The following TMEM132D variants were observed in gnomAD, a reference collection of about 807,000 sequenced individuals.
The protein encoded by TMEM132D is transmembrane protein 132D.
TMEM132D carries 21 observed loss-of-function variants against 62.3 expected under a neutral mutation model. The ratio of observed to expected loss-of-function variants is 0.34; its 90% CI spans 0.24 to 0.49. The LOEUF is 0.49. TMEM132D is among the 20% of genes least tolerant of loss of function. TMEM132D has a pLI of 0.99. For synonymous variants in TMEM132D, 621 were observed against 575.6 expected (o/e 1.08, Z -1.13); for missense variants, 1,346 against 1,402.8 (o/e 0.96, Z 0.65).
At chr12:129,312,043 G>C (rs563487199) in intron 4 of TMEM132D, among the ~76,000 whole-genome samples, 1 of 152,360 alleles carries the variant, frequency 6.6e-6, no homozygotes, top group South Asian at 2.1e-4. Context: ...GATCACCCTA[G>C]CTGCTATAGA....
chr12:129,802,015 C>A (rs1871806291), intron 1 of TMEM132D, among the ~76,000 whole-genome samples: 1 of 149,018 alleles, frequency 6.7e-6, no homozygotes. Context: ...ATGAGCAAAG[C>A]CTCCAAGAAA....
rs73151095 is a variant in TMEM132D at position 129,476,707 on chromosome 12, G to A, written c.1115+54352C>T. ...TCTGGGAGAGAGATGTATTTGTGGT[G>A]GGGGCTGGAGTGCATTGTAGGATGC... On this transcript the variant is annotated intron_variant, in intron 3 of 8. Coordinates refer to ENST00000422113, the MANE Select transcript of TMEM132D (RefSeq NM_133448.3). 6.4e-3 allele frequency among the ~76,000 whole-genome samples: 972 copies of A among 152,272 alleles called. 6 individuals carry two copies. The highest frequency in any genetic ancestry group is 0.013 in the South Asian group (61 of 4,816).
intron 4 of TMEM132D, among the ~76,000 whole-genome samples, chr12:129,233,758 C>G (rs892380642): frequency 5.9e-5 from 9 of 152,140 alleles, no homozygotes; most frequent in Non-Finnish European, 1.3e-4. Flanking sequence ...TCCTGAGTAG[C>G]TGGGACTACA....
At chr12:129,291,400 T>C (rs890422784) in intron 4 of TMEM132D, among the ~76,000 whole-genome samples, 3 of 152,226 alleles carry the variant, frequency 2.0e-5, no homozygotes, top group African/African-American at 7.2e-5. Flanking sequence ...TCTTTCCATT[T>C]GGATCCTCTT....
At chr12:129,789,095 G>C (rs933741273) in intron 1 of TMEM132D, among the ~76,000 whole-genome samples, 1 of 152,166 alleles carries the variant, frequency 6.6e-6, no homozygotes, top group Non-Finnish European at 1.5e-5. Context: ...TTTTCAGGGT[G>C]AACAGGTGGT....
At chr12:129,387,300 C>T (rs927528975) in intron 3 of TMEM132D, among the ~76,000 whole-genome samples, 1 of 127,438 alleles carries the variant, frequency 7.8e-6, no homozygotes, top group African/African-American at 3.5e-5. Context: ...AATGCCAACA[C>T]CAATACCAAC....
intron 2 of TMEM132D, among the ~76,000 whole-genome samples, chr12:129,628,719 G>A (rs982097841): frequency 1.3e-5 from 2 of 152,080 alleles, no homozygotes; most frequent in African/African-American, 4.8e-5. Context: ...GCACAGTGTG[G>A]GGATACTCAG....
At chr12:129,400,340 T>C (rs1348043463) in intron 3 of TMEM132D, among the ~76,000 whole-genome samples, 2 of 152,188 alleles carry the variant, frequency 1.3e-5, no homozygotes, top group Non-Finnish European at 2.9e-5. Flanking sequence ...AGCCTGCCAG[T>C]GGGTTTACAG....
intron 1 of TMEM132D, chr12:129,852,294 A>G (rs187555144): frequency 6.6e-5 from 10 of 152,392 alleles, no homozygotes; most frequent in African/African-American, 2.2e-4. Context: ...CTGTAATACC[A>G]GCACTTTGGG....
At chr12:129,287,121 A>G (rs1404032215) in intron 4 of TMEM132D, among the ~76,000 whole-genome samples, 2 of 152,122 alleles carry the variant, frequency 1.3e-5, no homozygotes, top group Admixed American at 6.5e-5. Context: ...CAGAAAATGT[A>G]TGTGATAAGC....
intron 1 of TMEM132D, among the ~76,000 whole-genome samples, chr12:129,704,067 C>T (rs189062013): frequency 6.6e-6 from 1 of 152,218 alleles, no homozygotes; most frequent in Admixed American, 6.5e-5. Context: ...AAAACACAAA[C>T]ACCTAATTAT....
intron 1 of TMEM132D, among the ~76,000 whole-genome samples, chr12:129,834,517 G>A (rs1593180562): frequency 6.7e-6 from 1 of 148,208 alleles, no homozygotes; most frequent in South Asian, 2.1e-4. Flanking sequence ...CCTGAAAGAT[G>A]AATGGTCTTT....
intron 1 of TMEM132D, among the ~76,000 whole-genome samples, chr12:129,707,109 A>G (rs909641909): frequency 6.0e-5 from 9 of 149,564 alleles, no homozygotes; most frequent in African/African-American, 2.2e-4. Context: ...AATGTAAGAC[A>G]ACAAAATTGA....
At chr12:129,500,247 C>T (rs186794010) in intron 3 of TMEM132D, among the ~76,000 whole-genome samples, 8 of 148,252 alleles carry the variant, frequency 5.4e-5, no homozygotes, top group Admixed American at 2.7e-4. Flanking sequence ...CTGACCTCAT[C>T]TGTCCCCCAT....
intron 4 of TMEM132D, among the ~76,000 whole-genome samples, chr12:129,299,333 C>T (rs1466025289): frequency 6.6e-6 from 1 of 151,796 alleles, no homozygotes; most frequent in East Asian, 1.9e-4. Context: ...ACTGTTGGAG[C>T]TCCTGGATCA....
chr12:129,400,987 G>C (rs1307553492), intron 3 of TMEM132D, among the ~76,000 whole-genome samples: 1 of 152,142 alleles, frequency 6.6e-6, no homozygotes, highest in Non-Finnish European at 1.5e-5. Context: ...TTGTGGCCCT[G>C]GAGTGAGGGG....
chr12:129,746,070 C>T (rs1009449280), intron 1 of TMEM132D, among the ~76,000 whole-genome samples: 2 of 152,072 alleles, frequency 1.3e-5, no homozygotes, highest in African/African-American at 2.4e-5. Context: ...ACAACATTGA[C>T]GAATGAATGA....
chr12:129,211,253 T>C (rs1399698962), intron 4 of TMEM132D, among the ~76,000 whole-genome samples: 1 of 152,244 alleles, frequency 6.6e-6, no homozygotes, highest in Non-Finnish European at 1.5e-5. Context: ...TTCTGTTAAC[T>C]ATGAACGTAT....
chr12:129,203,738 T>C (rs1040901442), intron 5 of TMEM132D, among the ~76,000 whole-genome samples: 6 of 152,240 alleles, frequency 3.9e-5, no homozygotes, highest in African/African-American at 1.4e-4. Flanking sequence ...TGTTTCTGCC[T>C]GAGCTCTAAG....
Sources: allele counts gnomAD v4.1 joint callset (sites outside exome capture counted in the v4.1 genomes callset), GRCh38; gene constraint gnomAD v4.1.1; transcripts MANE v1.5; gene names NCBI Gene and HGNC (gene_info 2026-07-23, HGNC 2026-07-21).